The following ZNF143 variants were observed in gnomAD, a reference collection of about 807,000 sequenced individuals.
ZNF143 encodes zinc finger protein 143.
In ZNF143, 49 loss-of-function variants were observed where a neutral mutation model predicts 74.1. The ratio of observed to expected loss-of-function variants is 0.66; its 90% CI spans 0.53 to 0.84. The LOEUF (loss-of-function observed/expected upper bound fraction) is 0.84. Among genes scored for constraint, ZNF143 ranks in the 40% least tolerant of loss-of-function variants. The probability of loss-of-function intolerance (pLI) is 0.00; values close to 1 mark genes in which losing one functional copy is unlikely to be tolerated. For missense variants in ZNF143, 637 were observed against 793.4 expected, an observed-to-expected ratio of 0.80 and a Z score of 2.37; for synonymous variants, 304 against 282.8, an observed-to-expected ratio of 1.07 and a Z score of -0.75.
intron 14 of ZNF143, among the ~76,000 whole-genome samples, chr11:9,524,131 A>C (rs1554970993): frequency 6.6e-6 from 1 of 150,798 alleles, no homozygotes; most frequent in Non-Finnish European, 1.5e-5. Context: ...TTTCTGGGCT[A>C]TTCTTCTCTG....
At chr11:9,477,381 A>T (rs1216433013) in intron 5 of ZNF143, among the ~76,000 whole-genome samples, 1 of 151,878 alleles carries the variant, frequency 6.6e-6, no homozygotes, top group Non-Finnish European at 1.5e-5. Context: ...CAGCCTCCCA[A>T]GTAGCTGGGA....
At chr11:9,461,172 C>T (rs1324361668) in intron 1 of ZNF143, 96 bp downstream of exon 1, 3 of 776,110 alleles carry the variant, frequency 3.9e-6, no homozygotes, top group African/African-American at 3.8e-5. Flanking sequence ...GCCCGGGCTC[C>T]GGCTCCCGCT....
intron 8 of ZNF143, among the ~76,000 whole-genome samples, chr11:9,495,260 A>G (rs1178610952): frequency 6.6e-6 from 1 of 152,148 alleles, no homozygotes; most frequent in African/African-American, 2.4e-5. Context: ...CCTGACCAAC[A>G]TGGTGAAACC....
chr11:9,498,213 T>G (rs577649841), intron 10 of ZNF143, among the ~76,000 whole-genome samples: 11 of 152,352 alleles, frequency 7.2e-5, no homozygotes, highest in African/African-American at 2.4e-4. Context: ...GGGCTTCTCT[T>G]GAAACCCTGA....
chr11:9,509,808 C>T (rs1455772071), intron 12 of ZNF143, among the ~76,000 whole-genome samples: 2 of 152,150 alleles, frequency 1.3e-5, no homozygotes, highest in African/African-American at 4.8e-5. Context: ...AGCCAGAACA[C>T]TGTAAGTGTG....
chr11:9,466,919 A>C (rs1407986816), intron 1 of ZNF143, among the ~76,000 whole-genome samples: 1 of 151,264 alleles, frequency 6.6e-6, no homozygotes, highest in Non-Finnish European at 1.5e-5. Flanking sequence ...TTTGACACAG[A>C]GTCTCTCTGT....
intron 13 of ZNF143, 151 bp downstream of exon 13, chr11:9,512,747 A>G: frequency 1.2e-6 from 1 of 811,978 alleles, no homozygotes; most frequent in Non-Finnish European, 1.9e-6. Flanking sequence ...TACAGAGACT[A>G]CGTGCAGAGA....
At chr11:9,501,794 T>C (rs530331556) in intron 11 of ZNF143, among the ~76,000 whole-genome samples, 1 of 152,024 alleles carries the variant, frequency 6.6e-6, no homozygotes, top group Non-Finnish European at 1.5e-5. Flanking sequence ...TAAGTACATG[T>C]AGAAGATTTG....
chr11:9,526,426 T>C (rs1041288042), intron 15 of ZNF143, among the ~76,000 whole-genome samples: 9 of 151,876 alleles, frequency 5.9e-5, no homozygotes, highest in African/African-American at 1.9e-4. Context: ...CTTAGGGAGA[T>C]TTTTTTTCCG....
intron 14 of ZNF143, among the ~76,000 whole-genome samples, chr11:9,518,993 A>G (rs76943854): frequency 3.7e-4 from 56 of 152,282 alleles, no homozygotes; most frequent in African/African-American, 1.3e-3. Context: ...TTTGCCTGCA[A>G]TCTGGTTTTT....
chr11:9,523,355 C>T (rs567994728), intron 14 of ZNF143, among the ~76,000 whole-genome samples: 24 of 152,222 alleles, frequency 1.6e-4, no homozygotes, highest in African/African-American at 5.8e-4. Context: ...TGAAAGCTCT[C>T]CTTAGTTTCT....
rs1195180788 is a variant in ZNF143, at chr11:9,528,499, T to A, written c.*886T>A. 1 of 152,162 alleles carries A rather than the reference T, an allele frequency of 6.6e-6. No individual in the cohort carries two copies. The highest frequency in any genetic ancestry group is 1.5e-5 in the Non-Finnish European group (1 of 68,026). 9.4% of individuals were successfully genotyped at this position (152,162 alleles called of 1,614,324 possible). A position where few individuals can be genotyped will look rare whatever the true frequency, so the allele number is the denominator to read the frequency against. ...TTACCCCAAAGTTTATTATTAATTT[T>A]GAATACAGCAATTTTTAAAATGTTA... On this transcript the variant is annotated 3_prime_UTR_variant, in exon 16 of 16. Coordinates refer to ENST00000396602, the MANE Select transcript of ZNF143 (RefSeq NM_003442.6).
chr11:9,478,726 A>G (rs897390779), intron 6 of ZNF143, 140 bp downstream of exon 6: 34 of 877,510 alleles, frequency 3.9e-5, no homozygotes, highest in Admixed American at 5.7e-5. Context: ...GCTCACGCCT[A>G]TAACTTCCCA....
At chr11:9,479,407 T>C (rs978594349) in intron 6 of ZNF143, 65 bp from the exon 7 acceptor site, 29 of 1,345,622 alleles carry the variant, frequency 2.2e-5, no homozygotes, top group South Asian at 2.6e-5. Flanking sequence ...CTGAACCATG[T>C]ACTTAACCAG....
At chr11:9,517,533 T>C (rs1848766771) in intron 14 of ZNF143, among the ~76,000 whole-genome samples, 1 of 152,182 alleles carries the variant, frequency 6.6e-6, no homozygotes, top group African/African-American at 2.4e-5. Flanking sequence ...CAGTCTCCAT[T>C]CTTACCTGCA....
Position 9,474,622 on chromosome 11 carries a change from A to C in ZNF143, c.362A>C (p.His121Pro), listed in dbSNP as rs1304781182. The C allele has an allele frequency of 6.2e-7, 1 of 1,614,134 alleles. No homozygotes were observed. Among genetic ancestry groups the C allele is most frequent in the Admixed American group, 1.7e-5 (1 of 60,016 alleles). The change falls in exon 5 of 16, where the codon CAC (histidine) becomes CCC (proline). Residue 121 changes from histidine to proline, a missense_variant. His to Pro is a moderately conservative substitution (Grantham distance 77). Around this residue, in one of 2 missense-constraint regions of ZNF143, gnomAD observed 293 missense variants for 307.8 expected, o/e 0.95. Coordinates refer to ENST00000396602, the MANE Select transcript of ZNF143 (RefSeq NM_003442.6). ...GATGGTACCACAGCATTTATTCACC[A>C]CACCTCCAAAGGTAAAATAACTTTG... The part of the protein sequence containing the change: ...LEDGTTAFIH[H>P]TSKDSYDQSA...
At chr11:9,483,287 C>CTTTTTT (rs1847321716) in intron 7 of ZNF143, among the ~76,000 whole-genome samples, 1 of 64,714 alleles carries the variant, frequency 1.5e-5, no homozygotes, top group Non-Finnish European at 3.6e-5. Flanking sequence ...AGCCAACATG[C>CTTTTTT]CTTTTTTTTT....
chr11:9,487,947 A>G (rs755773996), intron 7 of ZNF143, among the ~76,000 whole-genome samples: 40 of 152,084 alleles, frequency 2.6e-4, no homozygotes, highest in African/African-American at 7.7e-4. Context: ...AGAATCAGCT[A>G]TTGCTTTCTA....
chr11:9,486,429 TTATATA>T (rs1298757760), intron 7 of ZNF143, among the ~76,000 whole-genome samples: 11 of 45,224 alleles, frequency 2.4e-4, no homozygotes, highest in Non-Finnish European at 3.5e-4. Context: ...ATTATATATA[TTATATA>T]TATAATATAT....
Sources: gnomAD v4.1 joint callset for allele counts (sites outside exome capture counted in the v4.1 genomes callset) on GRCh38, gnomAD v4.1.1 for gene constraint, gnomAD v4.1.1 regional missense constraint, MANE v1.5 for transcripts, NCBI Gene and HGNC (gene_info 2026-07-23, HGNC 2026-07-21) for gene names.